Variants in STX19 observed in about 807,000 individuals in gnomAD.
STX19 encodes syntaxin-19.
STX19 carries 26 observed loss-of-function variants against 24.3 expected under a neutral mutation model. The ratio of observed to expected loss-of-function variants is 1.07; its 90% CI spans 0.78 to 1.48. The LOEUF (loss-of-function observed/expected upper bound fraction) is 1.48, where lower values mean the gene tolerates loss of function less well. Among genes scored for constraint, STX19 ranks in the 40% most tolerant of loss-of-function variants. STX19 has a pLI of 0.00. For synonymous variants in STX19, 116 were observed against 106.9 expected (o/e 1.09, Z -0.52); for missense variants, 367 against 331.9 (o/e 1.11, Z -0.82).
intron 1 of STX19, among the ~76,000 whole-genome samples, chr3:94,018,297 G>A (rs1048283266): frequency 9.2e-5 from 14 of 152,114 alleles, no homozygotes; most frequent in Admixed American, 8.5e-4. Flanking sequence ...TAATGATAGA[G>A]ATGGAGTAAA....
rs749187469 is a variant in STX19, at chr3:94,015,266, T to C, written c.4A>G (p.Lys2Glu). 4 of 1,531,682 alleles carry C rather than the reference T, an allele frequency of 2.6e-6. No individual in the cohort carries two copies. 94.9% of individuals were successfully genotyped at this position (1,531,682 alleles called of 1,614,324 possible). A position where few individuals can be genotyped will look rare whatever the true frequency, so the allele number is the denominator to read the frequency against. Residue 2 changes from lysine (K) to glutamate (E), a missense_variant, in exon 2 of 2, where the codon AAA becomes GAA. Transcript: ENST00000315099. ...TGCTTTAGTTCTTGAAGTCGGTCTT[T>C]CATCTTCCCTTTCCTCCTAAGAAGC... MKDRLQELKQRT... is the reference protein window; with the variant it reads MEDRLQELKQRT...
At chr3:94,018,722 G>T (rs1220140629) in intron 1 of STX19, among the ~76,000 whole-genome samples, 1 of 152,046 alleles carries the variant, frequency 6.6e-6, no homozygotes, top group Non-Finnish European at 1.5e-5. Context: ...CTCTCTTCTG[G>T]CAACTCTATT....
intron 1 of STX19, among the ~76,000 whole-genome samples, chr3:94,023,798 A>G (rs2076500031): frequency 6.6e-6 from 1 of 152,064 alleles, no homozygotes; most frequent in African/African-American, 2.4e-5. Flanking sequence ...GTATTATGTT[A>G]CTAATATACA....
At chr3:94,028,138 A>G (rs968329044) in intron 1 of STX19, among the ~76,000 whole-genome samples, 32 of 152,136 alleles carry the variant, frequency 2.1e-4, no homozygotes, top group Non-Finnish European at 2.2e-4. Context: ...TCTTTCCTCT[A>G]AAGTTGATTT....
intron 1 of STX19, among the ~76,000 whole-genome samples, chr3:94,024,323 AAG>A (rs2076511143): frequency 2.0e-5 from 3 of 152,240 alleles, no homozygotes; most frequent in South Asian, 4.1e-4. Context: ...GGGAAAAAGA[AAG>A]AGTAACAATG....
At chr3:94,025,371 C>T (rs546614513) in intron 1 of STX19, among the ~76,000 whole-genome samples, 10 of 152,060 alleles carry the variant, frequency 6.6e-5, no homozygotes, top group African/African-American at 1.9e-4. Context: ...ATTATGTAAA[C>T]GATGTTTAAA....
Position 94,028,429 on chromosome 3 carries a change from AAT to A in STX19, c.-78_-77del, listed in dbSNP as rs1213168019. The A allele has an allele frequency of 1.3e-5, 2 of 152,212 alleles. No homozygotes were observed. The highest frequency in any genetic ancestry group is 4.8e-5 in the African/African-American group (2 of 41,460). 9.4% of individuals were successfully genotyped at this position (152,212 alleles called of 1,614,324 possible). ...GGTGTTGGAGTCCTGCCTTTGAGAG[AAT>A]ATCTGAATATCATCTCATGTTTTGA... On this transcript the variant is annotated 5_prime_UTR_variant, in exon 1 of 2. Transcript: ENST00000315099.
intron 1 of STX19, among the ~76,000 whole-genome samples, chr3:94,021,967 G>T (rs1489214099): frequency 6.6e-6 from 1 of 151,720 alleles, no homozygotes; most frequent in African/African-American, 2.4e-5. Context: ...ATATATATCT[G>T]ACCCTTACCT....
At chr3:94,021,713 A>G (rs1181314819) in intron 1 of STX19, among the ~76,000 whole-genome samples, 5 of 152,148 alleles carry the variant, frequency 3.3e-5, no homozygotes, top group African/African-American at 1.2e-4. Context: ...TTTATCTTGT[A>G]TAGCTTCCTA....
chr3:94,021,592 A>G (rs927407606), intron 1 of STX19, among the ~76,000 whole-genome samples: 3 of 152,196 alleles, frequency 2.0e-5, no homozygotes, highest in African/African-American at 7.2e-5. Context: ...ACCATGTGGC[A>G]ACTTTGTGAA....
Position 94,027,068 on chromosome 3 carries a change from A to AT in STX19, c.-14+1298dup, listed in dbSNP as rs2076572584. On this transcript the variant is annotated intron_variant, in intron 1 of 1. Transcript: ENST00000315099. ...GGATAGATACTTAGTGTATTTATAG[A>AT]TTTTTTTAAAGTAGGCCATTTCTTT... 3.9e-5 allele frequency among the ~76,000 whole-genome samples: 6 copies of AT among 152,194 alleles called. No individual in the cohort carries two copies. The South Asian group carries it at 1.2e-3, about 32-fold the overall frequency.
intron 1 of STX19, among the ~76,000 whole-genome samples, chr3:94,018,765 C>T (rs1374891150): frequency 6.6e-6 from 1 of 151,964 alleles, no homozygotes; most frequent in East Asian, 1.9e-4. Flanking sequence ...ACTCAGAAGT[C>T]TTTTTTTGTT....
chr3:94,014,965 G>C lies in STX19; in HGVS notation c.305C>G (p.Ala102Gly). 1 of 1,613,882 alleles carries C rather than the reference G, an allele frequency of 6.2e-7. No homozygotes were observed. Among genetic ancestry groups the C allele is most frequent in the Non-Finnish European group, 8.5e-7 (1 of 1,179,902 alleles). ...STITKEIKIQ[A>G]EYINRSLNDL... ...ATTCAAACTTCTGTTGATGTATTCT[G>C]CCTGAATTTTTATCTCCTTTGTAAT... Residue 102 changes from alanine to glycine, a missense_variant, in exon 2 of 2, where the codon GCA (alanine) becomes GGA (glycine). Coordinates refer to ENST00000315099, the MANE Select transcript of STX19 (RefSeq NM_001001850.3).
rs920508281 is a variant in STX19, at chr3:94,028,442, C to T, written c.-89G>A. The T allele has an allele frequency of 3.3e-5, 5 of 152,238 alleles. No homozygotes were observed. The highest frequency in any genetic ancestry group is 1.2e-4 in the African/African-American group (5 of 41,462). 9.4% of individuals were successfully genotyped at this position (152,238 alleles called of 1,614,324 possible). ...TGCCTTTGAGAGAATATCTGAATAT[C>T]ATCTCATGTTTTGAACAAATTATCT... is the stretch of plus-strand genomic sequence containing the variant. On this transcript the variant is annotated 5_prime_UTR_variant, in exon 1 of 2. It removes an upstream start codon present in the reference 5' UTR. Transcript: ENST00000315099.
intron 1 of STX19, among the ~76,000 whole-genome samples, chr3:94,016,585 A>T (rs190704412): frequency 6.6e-6 from 1 of 152,194 alleles, no homozygotes; most frequent in African/African-American, 2.4e-5. Flanking sequence ...TCTACAGAGT[A>T]GAAGACCCTT....
chr3:94,015,053 GC>G lies in STX19; in HGVS notation c.216del (p.Gln73SerfsTer10). The G allele has an allele frequency of 6.2e-7, 1 of 1,613,940 alleles. No homozygotes were observed. Among genetic ancestry groups the G allele is most frequent in the Non-Finnish European group, 8.5e-7 (1 of 1,179,926 alleles). On this transcript the variant is annotated frameshift_variant, in exon 2 of 2. Transcript: ENST00000315099. LOFTEE classifies it high-confidence loss of function. Reference sequence around the variant, plus strand: ...GAAGCCACCAGACTTTTCTGTTGCTGCCCAAATTTTTGAACATTATCTGCCA... The same window carrying G: ...GAAGCCACCAGACTTTTCTGTTGCTGCCAAATTTTTGAACATTATCTGCCA... ...NNLADNVQKF[G>X]QQQKSLVASM...
At chr3:94,024,578 T>G (rs1216038837) in intron 1 of STX19, among the ~76,000 whole-genome samples, 1 of 152,196 alleles carries the variant, frequency 6.6e-6, no homozygotes, top group Non-Finnish European at 1.5e-5. Flanking sequence ...TGTCCTTTTT[T>G]GGGCGTGTTG....
intron 1 of STX19, among the ~76,000 whole-genome samples, chr3:94,026,527 A>T (rs900994760): frequency 6.6e-6 from 1 of 152,222 alleles, no homozygotes; most frequent in Non-Finnish European, 1.5e-5. Flanking sequence ...AACTATATGT[A>T]TAACTATCCA....
rs749663559 is a variant in STX19 at position 94,015,095 on chromosome 3, C to G, written c.175G>C (p.Glu59Gln). The G allele has an allele frequency of 6.2e-7, 1 of 1,613,810 alleles. No individual in the cohort carries two copies. The highest frequency in any genetic ancestry group is 1.1e-5 in the South Asian group (1 of 91,016). Reference sequence around the variant, plus strand: ...TTATCTGCCAAATTGTTAATACTTTCCTGTAGTTTTTGGATTTCATGTAGG... The same window carrying G: ...TTATCTGCCAAATTGTTAATACTTTGCTGTAGTTTTTGGATTTCATGTAGG... ...RHLHEIQKLQ[E>Q]SINNLADNVQ... Residue 59 changes from glutamate to glutamine, a missense_variant, in exon 2 of 2, where the codon GAA (glutamate) becomes CAA (glutamine). Glu to Gln is a conservative substitution (Grantham distance 29). Coordinates refer to ENST00000315099, the MANE Select transcript of STX19 (RefSeq NM_001001850.3).
Sources: allele counts gnomAD v4.1 joint callset (sites outside exome capture counted in the v4.1 genomes callset), GRCh38; gene constraint gnomAD v4.1.1; transcripts MANE v1.5; gene names NCBI Gene and HGNC (gene_info 2026-07-23, HGNC 2026-07-21).